The following LRRC53 variants were observed in gnomAD, a reference collection of about 807,000 sequenced individuals.
LRRC53 encodes leucine-rich repeat-containing protein 53.
LRRC53 carries 25 observed loss-of-function variants against 13.6 expected under a neutral mutation model. That is an observed-to-expected ratio of 1.83 (90% CI 1.34 to 2.56). The LOEUF (loss-of-function observed/expected upper bound fraction) is 2.56. LRRC53 is among the 30% of genes most tolerant of loss of function. The pLI, the probability that LRRC53 is intolerant of heterozygous loss-of-function variation, is 0.00. For missense variants in LRRC53, 527 were observed against 275.8 expected (o/e 1.91, Z -6.45); for synonymous variants, 204 against 109.8 (o/e 1.86, Z -5.37).
At chr1:74,515,230 G>T (rs1444947457), upstream of LRRC53, among the ~76,000 whole-genome samples, 1 of 152,126 alleles carries the variant, frequency 6.6e-6, no homozygotes, top group Non-Finnish European at 1.5e-5. Flanking sequence ...GAATACAGAG[G>T]ATGACATAAC....
Position 74,469,798 on chromosome 1 carries a change from A to C in LRRC53, c.*80T>G. ...CTCCAAAATGATCCACTTCTAATGC[A>C]TGCAAAGGCTAGTGGGTGTTTGTCC... On this transcript the variant is annotated 3_prime_UTR_variant, in exon 5 of 5. Coordinates refer to ENST00000294635, the MANE Select transcript of LRRC53 (RefSeq NM_001382280.1). 2.5e-6 allele frequency: 1 copy of C among 398,880 alleles called. No individual in the cohort carries two copies. Among genetic ancestry groups the C allele is most frequent in the East Asian group, 3.6e-5 (1 of 28,056 alleles). The allele number at this position is 398,880 out of a possible 1,614,324, so 24.7% of individuals were successfully genotyped here.
At chr1:74,477,143 A>C (rs1006822857) in intron 3 of LRRC53, among the ~76,000 whole-genome samples, 6 of 152,230 alleles carry the variant, frequency 3.9e-5, no homozygotes, top group African/African-American at 1.4e-4. Flanking sequence ...CCAAACAAGG[A>C]TTTTGGTTTT....
chr1:74,523,074 A>G, the LRRC53 span, among the ~76,000 whole-genome samples: 26 of 152,232 alleles, frequency 1.7e-4, no homozygotes, highest in African/African-American at 5.8e-4. Context: ...GCTTCAGTAT[A>G]GGTTCTGTCT....
intron 1 of LRRC53, among the ~76,000 whole-genome samples, chr1:74,491,441 T>A (rs1286770358): frequency 6.6e-6 from 1 of 152,054 alleles, no homozygotes. Context: ...ATGGTGTCGA[T>A]CTGTTGACCA....
At chr1:74,489,102 A>G (rs376798530) in intron 1 of LRRC53, 1 of 1,077,926 alleles carries the variant, frequency 9.3e-7, no homozygotes, top group South Asian at 1.5e-5. Context: ...CTCATTCTTT[A>G]CAAATGCTAA....
At chr1:74,504,958 C>G (rs903198110) in intron 1 of LRRC53, among the ~76,000 whole-genome samples, 2 of 152,158 alleles carry the variant, frequency 1.3e-5, no homozygotes, top group Admixed American at 1.3e-4. Flanking sequence ...AGGCAAACTG[C>G]TAAATAAATG....
chr1:74,522,393 T>G, the LRRC53 span, among the ~76,000 whole-genome samples: 8 of 152,252 alleles, frequency 5.3e-5, no homozygotes, highest in South Asian at 1.7e-3. Context: ...ACCCGTTCCC[T>G]AGACAGGATT....
chr1:74,521,550 G>A, the LRRC53 span, among the ~76,000 whole-genome samples: 1 of 151,828 alleles, frequency 6.6e-6, no homozygotes, highest in Non-Finnish European at 1.5e-5. Context: ...ATACATATAT[G>A]CAGTCAAAAT....
At chr1:74,485,591 G>A (rs1668716809) in intron 1 of LRRC53, among the ~76,000 whole-genome samples, 3 of 152,164 alleles carry the variant, frequency 2.0e-5, no homozygotes, top group South Asian at 4.1e-4. Context: ...TGAATATGAT[G>A]AGATATTACT....
At position 74,480,730 on chromosome 1, in the gene LRRC53, C is replaced by T. The variant is rs1369207146; in HGVS notation, c.327G>A (p.Leu109=). 5.6e-6 allele frequency: 4 copies of T among 717,478 alleles called. No homozygotes were observed. The highest frequency in any genetic ancestry group is 1.0e-5 in the Non-Finnish European group (4 of 385,092). 44.4% of individuals were successfully genotyped at this position (717,478 alleles called of 1,614,324 possible). A position where few individuals can be genotyped will look rare whatever the true frequency, so the allele number is the denominator to read the frequency against. Residue 109 remains leucine, a synonymous_variant, in exon 3 of 5, where the codon CTG becomes CTA. Transcript: ENST00000294635. ...TDHTFSKLHS[L]QVLVLSNNAL... ...CATTATTGCTCAGCACCAGTACCTG[C>T]AGGCTGTGAAGCTTGCTGAAGGTGT...
the LRRC53 span, among the ~76,000 whole-genome samples, chr1:74,536,120 GCTGT>G: frequency 6.6e-6 from 1 of 152,002 alleles, no homozygotes; most frequent in Non-Finnish European, 1.5e-5. Flanking sequence ...TAGTTTGTAG[GCTGT>G]CTTACTCCTG....
At chr1:74,522,456 A>C in the LRRC53 span, among the ~76,000 whole-genome samples, 1 of 152,186 alleles carries the variant, frequency 6.6e-6, no homozygotes, top group Non-Finnish European at 1.5e-5. Flanking sequence ...GTACACTTCC[A>C]GAATGGTGCT....
intron 1 of LRRC53, among the ~76,000 whole-genome samples, chr1:74,504,052 C>A (rs2100352157): frequency 6.6e-6 from 1 of 152,302 alleles, no homozygotes; most frequent in Non-Finnish European, 1.5e-5. Context: ...ACCTCTTCAC[C>A]GCATCCCTAG....
the LRRC53 span, among the ~76,000 whole-genome samples, chr1:74,526,132 T>C: frequency 6.6e-6 from 1 of 152,192 alleles, no homozygotes; most frequent in South Asian, 2.1e-4. Context: ...GTTCTGCATG[T>C]TCAAAGAGTT....
chr1:74,522,696 C>A, the LRRC53 span, among the ~76,000 whole-genome samples: 2 of 151,952 alleles, frequency 1.3e-5, no homozygotes, highest in Non-Finnish European at 2.9e-5. Context: ...CCCCAGGAAG[C>A]AATCCCAGAA....
chr1:74,480,104 T>C, intron 3 of LRRC53, 49 bp downstream of exon 3: 1 of 664,558 alleles, frequency 1.5e-6, no homozygotes, highest in Non-Finnish European at 2.8e-6. Flanking sequence ...GCTGCAAAAA[T>C]ATGGACAAGA....
intron 3 of LRRC53, 101 bp from the exon 4 acceptor site, chr1:74,475,911 G>T (rs1668183349): frequency 4.1e-6 from 2 of 491,774 alleles, no homozygotes; most frequent in Non-Finnish European, 7.3e-6. Context: ...TGGCTTGAAA[G>T]ATATCAGAAT....
At chr1:74,535,817 T>G in the LRRC53 span, among the ~76,000 whole-genome samples, 1 of 152,180 alleles carries the variant, frequency 6.6e-6, no homozygotes, top group African/African-American at 2.4e-5. Context: ...CAGTCACAAT[T>G]GAATCTAACC....
chr1:74,481,272 T>C (rs1668487265), intron 2 of LRRC53, among the ~76,000 whole-genome samples: 1 of 152,182 alleles, frequency 6.6e-6, no homozygotes, highest in African/African-American at 2.4e-5. Context: ...ATCGATGTTA[T>C]TTTGAAGGTG....
Sources: allele counts gnomAD v4.1 joint callset (sites outside exome capture counted in the v4.1 genomes callset), GRCh38; gene constraint gnomAD v4.1.1; transcripts MANE v1.5; gene names NCBI Gene and HGNC (gene_info 2026-07-23, HGNC 2026-07-21).